Variants in LDLRAD3 observed in about 807,000 individuals in gnomAD.
LDLRAD3 encodes low-density lipoprotein receptor class A domain-containing protein 3.
Under a neutral mutation model 29.4 loss-of-function variants are expected in LDLRAD3, and 20 were observed. The observed-to-expected ratio is 0.68, with a 90% CI of 0.48 to 0.99. The LOEUF (loss-of-function observed/expected upper bound fraction) is 0.99. LDLRAD3 is among the 50% of genes least tolerant of loss of function. The probability of loss-of-function intolerance (pLI) is 0.00; values close to 1 mark genes in which losing one functional copy is unlikely to be tolerated. For synonymous variants in LDLRAD3, 157 were observed against 192.7 expected (o/e 0.81, Z 1.53); for missense variants, 420 against 454.3 (o/e 0.92, Z 0.69).
Position 36,054,636 on chromosome 11 carries a change from A to G in LDLRAD3, c.193+18387A>G, listed in dbSNP as rs556242433. 4.6e-5 allele frequency among the ~76,000 whole-genome samples: 7 copies of G among 152,376 alleles called. No homozygotes were observed. In the South Asian group the frequency reaches 1.2e-3, roughly 27 times the overall value. ...AAGAACAGAATTGTAAAACATCAACAGAAGCTGCTGCTTAAAAAGAATGAA... is the reference window on the plus strand; with the variant it reads ...AAGAACAGAATTGTAAAACATCAACGGAAGCTGCTGCTTAAAAAGAATGAA... On this transcript the variant is annotated intron_variant, in intron 2 of 5. Coordinates refer to ENST00000315571, the MANE Select transcript of LDLRAD3 (RefSeq NM_174902.4).
At chr11:36,115,332 T>C (rs7108580) in intron 4 of LDLRAD3, among the ~76,000 whole-genome samples, 6,714 of 152,312 alleles carry the variant, frequency 0.044, 532 homozygotes, top group African/African-American at 0.15. Flanking sequence ...TGATTTGTTA[T>C]GTAGTAGTTG....
intron 4 of LDLRAD3, among the ~76,000 whole-genome samples, chr11:36,168,484 T>G (rs7111908): frequency 0.02 from 2,921 of 144,600 alleles, 99 homozygotes; most frequent in African/African-American, 0.07. Flanking sequence ...TTTTATTCCG[T>G]TTTTTTCTTT....
At chr11:36,046,313 G>A (rs1003119680) in intron 2 of LDLRAD3, among the ~76,000 whole-genome samples, 1 of 152,086 alleles carries the variant, frequency 6.6e-6, no homozygotes, top group Non-Finnish European at 1.5e-5. Context: ...ATGATTGTGA[G>A]GCCTCCCCAG....
chr11:36,204,881 C>T (rs1855183801), intron 4 of LDLRAD3, among the ~76,000 whole-genome samples: 1 of 152,182 alleles, frequency 6.6e-6, no homozygotes, highest in South Asian at 2.1e-4. Flanking sequence ...ACATTCCTGT[C>T]TCCTGCCAGA....
At chr11:36,182,578 C>A (rs1291743400) in intron 4 of LDLRAD3, among the ~76,000 whole-genome samples, 1 of 152,132 alleles carries the variant, frequency 6.6e-6, no homozygotes, top group Non-Finnish European at 1.5e-5. Flanking sequence ...CCAATCTTGG[C>A]AACGTTGGCT....
chr11:36,116,374 A>T lies in LDLRAD3; in HGVS notation c.454+17913A>T, dbSNP rs532552850. 2.0e-5 allele frequency among the ~76,000 whole-genome samples: 3 copies of T among 152,194 alleles called. No homozygotes were observed. In the East Asian group the frequency reaches 5.8e-4, roughly 29 times the overall value. ...TGCTTCCTGGCCTAACAAAAAAAGG[A>T]AATACCAGTGGAATGTTCACATATA... On this transcript the variant is annotated intron_variant, in intron 4 of 5. Transcript: ENST00000315571.
intron 1 of LDLRAD3, among the ~76,000 whole-genome samples, chr11:36,013,514 G>A (rs1300300467): frequency 7.2e-6 from 1 of 139,860 alleles, no homozygotes; most frequent in Non-Finnish European, 1.5e-5. Context: ...GTGTCCATGT[G>A]TTCTCATTGT....
At chr11:35,951,863 A>G (rs753995999) in intron 1 of LDLRAD3, among the ~76,000 whole-genome samples, 18 of 152,262 alleles carry the variant, frequency 1.2e-4, no homozygotes, top group Non-Finnish European at 2.5e-4. Context: ...AGGCACTGCC[A>G]GTGACCAATA....
chr11:36,086,206 A>G (rs1346275171), intron 3 of LDLRAD3, among the ~76,000 whole-genome samples: 1 of 152,216 alleles, frequency 6.6e-6, no homozygotes, highest in Admixed American at 6.5e-5. Flanking sequence ...AATAGCTGCT[A>G]TAAAATCTTC....
At chr11:36,127,408 G>T (rs1590289509) in intron 4 of LDLRAD3, among the ~76,000 whole-genome samples, 1 of 152,124 alleles carries the variant, frequency 6.6e-6, no homozygotes, top group African/African-American at 2.4e-5. Flanking sequence ...ATCCTGGCTG[G>T]TTCCTTAAAT....
chr11:36,135,652 G>A (rs368017027), intron 4 of LDLRAD3, among the ~76,000 whole-genome samples: 1 of 152,222 alleles, frequency 6.6e-6, no homozygotes, highest in African/African-American at 2.4e-5. Flanking sequence ...GGCTCACGCT[G>A]TAACCCCAGC....
intron 1 of LDLRAD3, among the ~76,000 whole-genome samples, chr11:36,011,261 G>A (rs1189201411): frequency 6.6e-6 from 1 of 152,180 alleles, no homozygotes; most frequent in East Asian, 1.9e-4. Flanking sequence ...CTCAAGTCTT[G>A]TATTCCCTGC....
intron 4 of LDLRAD3, among the ~76,000 whole-genome samples, chr11:36,113,672 C>CTTTTTT (rs745375991): frequency 1.0e-4 from 13 of 126,380 alleles, no homozygotes; most frequent in African/African-American, 4.1e-4. Flanking sequence ...CATAGCATCA[C>CTTTTTT]TTTTTTTTTT....
At chr11:36,108,788 T>C (rs1441627799) in intron 4 of LDLRAD3, among the ~76,000 whole-genome samples, 2 of 152,068 alleles carry the variant, frequency 1.3e-5, no homozygotes, top group Admixed American at 1.3e-4. Flanking sequence ...AGCTAGATGG[T>C]AAAGCACTAA....
chr11:36,001,275 A>T (rs577796408), intron 1 of LDLRAD3: 1 of 152,338 alleles, frequency 6.6e-6, no homozygotes, highest in Admixed American at 6.5e-5. Context: ...ATATGTATAC[A>T]TGTGCCATGT....
chr11:36,113,360 A>G (rs1853631844), intron 4 of LDLRAD3, among the ~76,000 whole-genome samples: 1 of 152,148 alleles, frequency 6.6e-6, no homozygotes, highest in African/African-American at 2.4e-5. Context: ...CTCCTCAGGA[A>G]TTCCAAGACC....
At chr11:36,122,022 A>C (rs60080269) in intron 4 of LDLRAD3, among the ~76,000 whole-genome samples, 4,061 of 152,264 alleles carry the variant, frequency 0.027, 190 homozygotes, top group African/African-American at 0.09. Flanking sequence ...AGTGAGGTTA[A>C]GGGAGACAAT....
intron 1 of LDLRAD3, among the ~76,000 whole-genome samples, chr11:36,023,786 C>T (rs76071302): frequency 0.027 from 4,105 of 152,242 alleles, 204 homozygotes; most frequent in African/African-American, 0.094. Context: ...GCAACTCCCC[C>T]AAAGCCCAGT....
At chr11:35,979,261 A>G (rs147810903) in intron 1 of LDLRAD3, among the ~76,000 whole-genome samples, 6 of 152,116 alleles carry the variant, frequency 3.9e-5, no homozygotes, top group Non-Finnish European at 8.8e-5. Flanking sequence ...ACAGTGCTGC[A>G]TTAGAGTTTG....
Sources: gnomAD v4.1 joint callset for allele counts (sites outside exome capture counted in the v4.1 genomes callset) on GRCh38, gnomAD v4.1.1 for gene constraint, MANE v1.5 for transcripts, NCBI Gene and HGNC (gene_info 2026-07-23, HGNC 2026-07-21) for gene names.